TOX: variants seen among roughly 807,000 people sequenced by gnomAD.
The protein encoded by TOX is thymocyte selection-associated high mobility group box protein TOX.
Under a neutral mutation model 53.7 loss-of-function variants are expected in TOX, and 11 were observed. The observed-to-expected ratio is 0.20, with a 90% CI of 0.13 to 0.34. The LOEUF (loss-of-function observed/expected upper bound fraction) is 0.34. TOX is among the 10% of genes least tolerant of loss of function. The pLI is 1.00. For synonymous variants in TOX, 225 were observed against 245.3 expected, an observed-to-expected ratio of 0.92 and a Z score of 0.77; for missense variants, 570 against 664.6, an observed-to-expected ratio of 0.86 and a Z score of 1.56.
chr8:58,847,656 C>T (rs556817491), intron 4 of TOX, among the ~76,000 whole-genome samples: 81 of 152,092 alleles, frequency 5.3e-4, no homozygotes, highest in African/African-American at 1.9e-3. Flanking sequence ...TGCTGATAGA[C>T]AGAAATGATT....
chr8:59,068,359 G>T (rs117711745), intron 1 of TOX, among the ~76,000 whole-genome samples: 1 of 151,722 alleles, frequency 6.6e-6, no homozygotes, highest in Non-Finnish European at 1.5e-5. Flanking sequence ...TCTAGTGGGG[G>T]AGATAGCTGT....
chr8:58,955,993 C>T (rs1812702487), intron 2 of TOX, among the ~76,000 whole-genome samples: 2 of 152,158 alleles, frequency 1.3e-5, no homozygotes, highest in African/African-American at 4.8e-5. Context: ...CTTCGGCCTC[C>T]CAAAGTGCTG....
intron 1 of TOX, among the ~76,000 whole-genome samples, chr8:59,064,263 C>T (rs1230132917): frequency 6.6e-6 from 1 of 152,196 alleles, no homozygotes; most frequent in Non-Finnish European, 1.5e-5. Context: ...GCTTCTCTGT[C>T]ATTCTTTGGA....
intron 3 of TOX, among the ~76,000 whole-genome samples, chr8:58,905,807 A>G (rs1197534832): frequency 6.6e-6 from 1 of 152,124 alleles, no homozygotes; most frequent in Non-Finnish European, 1.5e-5. Flanking sequence ...CAATCATTCG[A>G]CTTTGATCCT....
intron 3 of TOX, among the ~76,000 whole-genome samples, chr8:58,855,370 C>T (rs1451834368): frequency 6.6e-6 from 1 of 152,162 alleles, no homozygotes; most frequent in Non-Finnish European, 1.5e-5. Flanking sequence ...ACAAAGTTTT[C>T]TTTCTCAAAT....
rs1563413336 is a variant in TOX at position 58,998,515 on chromosome 8, A to AAACT, written c.103-38508_103-38507insAGTT. Among the ~76,000 whole-genome samples, 11 of 80,776 alleles carry AAACT rather than the reference A, an allele frequency of 1.4e-4. 1 individual carries two copies. Among genetic ancestry groups the AAACT allele is most frequent in the African/African-American group, 5.8e-4 (10 of 17,388 alleles). The allele number at this position is 80,776 out of a possible 152,430, so 53.0% of individuals were successfully genotyped here. A position where few individuals can be genotyped will look rare whatever the true frequency, so the allele number is the denominator to read the frequency against. On this transcript the variant is annotated intron_variant, in intron 1 of 8. Coordinates refer to ENST00000361421, the MANE Select transcript of TOX (RefSeq NM_014729.3). ...AAAGTATATATATATATATATATATATATATATATATATATATATATATAA... is the reference window on the plus strand; with the variant it reads ...AAAGTATATATATATATATATATATAAACTTATATATATATATATATATATATAA...
intron 3 of TOX, among the ~76,000 whole-genome samples, chr8:58,925,595 C>A (rs1044726532): frequency 6.6e-6 from 1 of 152,162 alleles, no homozygotes; most frequent in Non-Finnish European, 1.5e-5. Context: ...GAGGCGGCAG[C>A]TAAAGTACCC....
intron 1 of TOX, among the ~76,000 whole-genome samples, chr8:59,115,833 A>T (rs1805090751): frequency 6.6e-6 from 1 of 152,162 alleles, no homozygotes; most frequent in Non-Finnish European, 1.5e-5. Flanking sequence ...GTGAAAATGG[A>T]GGCTACTTTG....
chr8:58,848,344 A>G (rs903629259), intron 4 of TOX, among the ~76,000 whole-genome samples: 2 of 151,998 alleles, frequency 1.3e-5, no homozygotes, highest in Admixed American at 6.6e-5. Context: ...TATTTGTGGC[A>G]TAAACAGAAA....
At chr8:58,997,304 A>G (rs1813578796) in intron 1 of TOX, among the ~76,000 whole-genome samples, 1 of 152,250 alleles carries the variant, frequency 6.6e-6, no homozygotes, top group Non-Finnish European at 1.5e-5. Context: ...AGAAATAAGC[A>G]AGAGGAAAGC....
intron 3 of TOX, among the ~76,000 whole-genome samples, chr8:58,862,158 C>T (rs1022388847): frequency 4.6e-5 from 7 of 151,994 alleles, no homozygotes; most frequent in African/African-American, 1.4e-4. Context: ...GCTGGAAATC[C>T]TCTCCTTTTG....
chr8:58,901,315 A>ATT (rs1811731614), intron 3 of TOX, among the ~76,000 whole-genome samples: 1 of 152,194 alleles, frequency 6.6e-6, no homozygotes, highest in Non-Finnish European at 1.5e-5. Flanking sequence ...CTCAGAGAAA[A>ATT]TTCATTTTAT....
intron 3 of TOX, 70 bp downstream of exon 3, chr8:58,939,232 C>G: frequency 6.4e-7 from 1 of 1,567,264 alleles, no homozygotes; most frequent in Non-Finnish European, 8.7e-7. Context: ...GCCAGGCCCT[C>G]GCATGAACTT....
At chr8:59,011,084 T>C (rs1385717453) in intron 1 of TOX, among the ~76,000 whole-genome samples, 2 of 152,236 alleles carry the variant, frequency 1.3e-5, no homozygotes, top group African/African-American at 2.4e-5. Flanking sequence ...AGATATATTG[T>C]ATTTTTAGAT....
chr8:59,113,781 A>G lies in TOX; in HGVS notation c.102+5105T>C, dbSNP rs925600205. 4.6e-5 allele frequency among the ~76,000 whole-genome samples: 7 copies of G among 152,096 alleles called. 1 individual carries two copies. The South Asian group carries it at 1.5e-3, about 32-fold the overall frequency. On this transcript the variant is annotated intron_variant, in intron 1 of 8. Coordinates refer to ENST00000361421, the MANE Select transcript of TOX (RefSeq NM_014729.3). ...AGGTGGGAGGTAAGAGGCGCTGGGC[A>G]TACTGGTAGACCTGCGACTGAGGGC...
At chr8:59,068,956 G>C (rs1338195702) in intron 1 of TOX, among the ~76,000 whole-genome samples, 2 of 152,178 alleles carry the variant, frequency 1.3e-5, no homozygotes, top group Non-Finnish European at 2.9e-5. Context: ...GAAGCAGGGA[G>C]GGGCATCTGA....
At chr8:58,965,736 G>A (rs1338767517) in intron 1 of TOX, among the ~76,000 whole-genome samples, 2 of 151,966 alleles carry the variant, frequency 1.3e-5, no homozygotes, top group African/African-American at 4.8e-5. Context: ...TTTGATGTTT[G>A]AAAAGAAGGG....
intron 1 of TOX, among the ~76,000 whole-genome samples, chr8:59,002,497 C>CAGG (rs1445787585): frequency 1.3e-5 from 2 of 151,040 alleles, no homozygotes; most frequent in Non-Finnish European, 2.9e-5. Flanking sequence ...GAGGCTGAGG[C>CAGG]AGGAGAATGG....
Position 59,004,521 on chromosome 8 carries a change from G to A in TOX, c.103-44513C>T, listed in dbSNP as rs1813751352. 1.3e-5 allele frequency among the ~76,000 whole-genome samples: 2 copies of A among 152,162 alleles called. 1 individual carries two copies. Among genetic ancestry groups the A allele is most frequent in the South Asian group, 4.2e-4 (2 of 4,816 alleles). On this transcript the variant is annotated intron_variant, in intron 1 of 8. Transcript: ENST00000361421. ...GTAAAGTACACATTAGTGATTGCATGCATTATAATAATTAGGGATCTATAT... is the reference window on the plus strand; with the variant it reads ...GTAAAGTACACATTAGTGATTGCATACATTATAATAATTAGGGATCTATAT...
Sources: allele counts gnomAD v4.1 joint callset (sites outside exome capture counted in the v4.1 genomes callset), GRCh38; gene constraint gnomAD v4.1.1; transcripts MANE v1.5; gene names NCBI Gene and HGNC (gene_info 2026-07-23, HGNC 2026-07-21).